The following INTS9 variants were observed in gnomAD, a reference collection of about 807,000 sequenced individuals.
INTS9 encodes protein related to CPSF subunits of 74 kDa.
INTS9 carries 55 observed loss-of-function variants against 79.7 expected under a neutral mutation model. The observed-to-expected ratio is 0.69, with a 90% CI of 0.56 to 0.86. The LOEUF (loss-of-function observed/expected upper bound fraction) is 0.86, where lower values mean the gene tolerates loss of function less well. Among genes scored for constraint, INTS9 ranks in the 40% least tolerant of loss-of-function variants. INTS9 has a pLI of 0.00. For missense variants in INTS9, 721 were observed against 831.5 expected (o/e 0.87, Z 1.64); for synonymous variants, 319 against 325.2 (o/e 0.98, Z 0.20).
chr8:28,835,453 A>T, intron 5 of INTS9, 75 bp from the exon 6 acceptor site: 1 of 912,822 alleles, frequency 1.1e-6, no homozygotes, highest in Non-Finnish European at 1.6e-6. Flanking sequence ...ACAGTTGGCC[A>T]GGAGAAATGA....
chr8:28,867,740 G>C (rs78900414), intron 1 of INTS9, among the ~76,000 whole-genome samples: 1 of 148,096 alleles, frequency 6.8e-6, no homozygotes, highest in Non-Finnish European at 1.5e-5. Flanking sequence ...TTTGCAAAAA[G>C]AACCATAGAC....
chr8:28,888,228 C>T (rs565330409), intron 1 of INTS9, among the ~76,000 whole-genome samples: 9 of 152,292 alleles, frequency 5.9e-5, no homozygotes, highest in African/African-American at 1.9e-4. Flanking sequence ...AAACCCTGAA[C>T]ACGCCTCTAT....
intron 6 of INTS9, among the ~76,000 whole-genome samples, chr8:28,830,658 A>C (rs1277971942): frequency 6.6e-6 from 1 of 151,742 alleles, no homozygotes; most frequent in Admixed American, 6.6e-5. Flanking sequence ...AAAGCTCTTC[A>C]AATTCTTCTA....
At position 28,768,379 on chromosome 8, in the gene INTS9, G is replaced by A. The variant is rs536990274; in HGVS notation, c.1801-57C>T. On this transcript the variant is annotated intron_variant, in intron 16 of 16. Transcript: ENST00000521022. The stretch of plus-strand genomic sequence containing the variant: ...GGCAGACTGCACATCTGTGAGATCT[G>A]TAAATGACACTTCACAGACTCGACT... 26 of 1,505,390 alleles carry A rather than the reference G, an allele frequency of 1.7e-5. No individual in the cohort carries two copies. In the East Asian group the frequency reaches 5.6e-4, roughly 33 times the overall value. The allele number at this position is 1,505,390 out of a possible 1,614,324, so 93.3% of individuals were successfully genotyped here. A position where few individuals can be genotyped will look rare whatever the true frequency, so the allele number is the denominator to read the frequency against.
At chr8:28,854,451 G>A (rs1808033208) in intron 2 of INTS9, among the ~76,000 whole-genome samples, 1 of 152,012 alleles carries the variant, frequency 6.6e-6, no homozygotes, top group Non-Finnish European at 1.5e-5. Flanking sequence ...GCAGTGAGGT[G>A]GTAGAGCAGA....
chr8:28,850,451 T>A (rs1807769503), intron 2 of INTS9, among the ~76,000 whole-genome samples, 178 bp from the exon 3 acceptor site: 2 of 152,152 alleles, frequency 1.3e-5, no homozygotes, highest in Admixed American at 6.5e-5. Flanking sequence ...GCTTAAAAAT[T>A]ATGTGGCAAT....
intron 10 of INTS9, among the ~76,000 whole-genome samples, chr8:28,793,146 A>C (rs1804012394): frequency 6.6e-6 from 1 of 152,206 alleles, no homozygotes; most frequent in East Asian, 1.9e-4. Flanking sequence ...CATGACTAAA[A>C]GGGATTAAAT....
At chr8:28,840,269 A>G (rs1194429001) in intron 4 of INTS9, among the ~76,000 whole-genome samples, 6 of 151,276 alleles carry the variant, frequency 4.0e-5, no homozygotes, top group Non-Finnish European at 5.9e-5. Context: ...TTAGAATGGC[A>G]ATCATTAAAA....
chr8:28,792,330 A>G (rs1231206209), intron 10 of INTS9, among the ~76,000 whole-genome samples: 3 of 152,128 alleles, frequency 2.0e-5, no homozygotes, highest in Non-Finnish European at 2.9e-5. Context: ...GGGGTGATGT[A>G]AAAAAAGAAA....
Position 28,775,803 on chromosome 8 carries a change from G to A in INTS9, c.1519C>T (p.Leu507=). ...MSYRRAEVLA[L]PFKRRYEKIE... ...TTCTCGTACCGACGTTTGAAGGGCA[G>A]GGCGAGAACCTCAGCCCGCCGATAG... Residue 507 remains leucine, a synonymous_variant, in exon 14 of 17, where the codon CTG becomes TTG. Transcript: ENST00000521022. The A allele has an allele frequency of 1.9e-6, 3 of 1,613,998 alleles. No individual in the cohort carries two copies. Among genetic ancestry groups the A allele is most frequent in the Non-Finnish European group, 2.5e-6 (3 of 1,179,952 alleles).
At chr8:28,785,709 C>T (rs34561792) in intron 11 of INTS9, among the ~76,000 whole-genome samples, 28,316 of 152,064 alleles carry the variant, frequency 0.19, 2,947 homozygotes, top group East Asian at 0.47. Context: ...TGGCATGTCA[C>T]TGCTCCCAGG....
chr8:28,814,153 A>G (rs1285192727), intron 6 of INTS9, among the ~76,000 whole-genome samples: 5 of 152,096 alleles, frequency 3.3e-5, no homozygotes, highest in African/African-American at 1.2e-4. Context: ...ATTTGCTCCA[A>G]AAGAATCAGG....
In INTS9 at chr8:28,767,715, A is replaced by T. The variant is rs957965595; in HGVS notation, c.*431T>A. On this transcript the variant is annotated 3_prime_UTR_variant, in exon 17 of 17. Transcript: ENST00000521022. The stretch of plus-strand genomic sequence containing the variant: ...TGGGCTCAGAGTAGAAAATGCAGAC[A>T]GATGGGTTCACTTTACCATATTTTG... The T allele has an allele frequency of 5.7e-6, 1 of 175,772 alleles. No individual in the cohort carries two copies. Among genetic ancestry groups the T allele is most frequent in the African/African-American group, 2.4e-5 (1 of 41,788 alleles). The allele number at this position is 175,772 out of a possible 1,614,324, so 10.9% of individuals were successfully genotyped here.
chr8:28,834,378 TA>T (rs1563283899), intron 6 of INTS9, among the ~76,000 whole-genome samples: 1 of 152,132 alleles, frequency 6.6e-6, no homozygotes, highest in Non-Finnish European at 1.5e-5. Flanking sequence ...CTCAACAATA[TA>T]AAACTCAAAC....
At position 28,850,233 on chromosome 8, in the gene INTS9, C is replaced by T. The variant is rs1807756817; in HGVS notation, c.178G>A (p.Gly60Arg). 6.2e-7 allele frequency: 1 copy of T among 1,613,746 alleles called. No homozygotes were observed. The highest frequency in any genetic ancestry group is 8.5e-7 in the Non-Finnish European group (1 of 1,179,730). ...ATTACCTTGTCCAAGAAAGCATTTC[C>T]ATCCTTCAGGGACCAGCCAGGAAGA... is the stretch of plus-strand genomic sequence containing the variant. Reference protein sequence around the residue: ...SNLPGWSLKDGNAFLDKELKE... With the variant: ...SNLPGWSLKDRNAFLDKELKE... Residue 60 changes from glycine (G) to arginine (R), a missense_variant, in exon 3 of 17, where the codon GGA (glycine) becomes AGA (arginine). Coordinates refer to ENST00000521022, the MANE Select transcript of INTS9 (RefSeq NM_018250.4).
intron 2 of INTS9, among the ~76,000 whole-genome samples, chr8:28,853,512 C>T (rs1807970058): frequency 6.6e-6 from 1 of 151,632 alleles, no homozygotes; most frequent in African/African-American, 2.4e-5. Flanking sequence ...ATCTTTGCAC[C>T]CACTATTTTA....
Position 28,777,886 on chromosome 8 carries a change from G to A in INTS9, c.1338C>T (p.Cys446=). Residue 446 remains cysteine, a synonymous_variant, in exon 13 of 17, where the codon TGC becomes TGT. Transcript: ENST00000521022. ...YQPLAMKCIY[C]PIDTRLNFIQ... is the part of the protein sequence containing the mutation. ...TGAAGTTCAGCCGGGTGTCGATGGG[G>A]CAGTAGATGCATTTCATGGCCAGCG... The A allele has an allele frequency of 6.2e-7, 1 of 1,612,804 alleles. No homozygotes were observed. The highest frequency in any genetic ancestry group is 1.1e-5 in the South Asian group (1 of 90,888).
chr8:28,850,423 A>AGGCGCGGTGGCTCACGCCTG lies in INTS9; in HGVS notation c.138-151_138-150insCAGGCGTGAGCCACCGCGCC. ...TAAATTCCAATAAAAAATAAGAGAA[A>AGGCGCGGTGGCTCACGCCTG]TAACCATGTTGTATCAAGCTTAAAA... On this transcript the variant is annotated intron_variant, in intron 2 of 16. Coordinates refer to ENST00000521022, the MANE Select transcript of INTS9 (RefSeq NM_018250.4). The AGGCGCGGTGGCTCACGCCTG allele has an allele frequency of 7.7e-6, 4 of 522,422 alleles. No individual in the cohort carries two copies. In the African/African-American group the frequency reaches 8.1e-5, roughly 11 times the overall value. The allele number at this position is 522,422 out of a possible 1,614,324, so 32.4% of individuals were successfully genotyped here. A position where few individuals can be genotyped will look rare whatever the true frequency, so the allele number is the denominator to read the frequency against.
chr8:28,835,177 G>C, intron 6 of INTS9, 115 bp downstream of exon 6: 1 of 682,920 alleles, frequency 1.5e-6, no homozygotes, highest in Non-Finnish European at 2.4e-6. Context: ...AGGAAAAAGA[G>C]AATCTTTAAT....
Sources: gnomAD v4.1 joint callset for allele counts (sites outside exome capture counted in the v4.1 genomes callset) on GRCh38, gnomAD v4.1.1 for gene constraint, MANE v1.5 for transcripts, NCBI Gene and HGNC (gene_info 2026-07-23, HGNC 2026-07-21) for gene names.